Variants in SDK1 observed in about 807,000 individuals in gnomAD.
SDK1 encodes sidekick cell adhesion molecule 1.
A neutral mutation model predicts 245.5 loss-of-function variants in SDK1; 157 were observed. The ratio of observed to expected loss-of-function variants is 0.64; its 90% CI spans 0.56 to 0.73. The LOEUF is 0.73. SDK1 is among the 30% of genes least tolerant of loss of function. The pLI is 0.00. For synonymous variants in SDK1, 1,647 were observed against 1,278.5 expected (o/e 1.29, Z -6.15); for missense variants, 3,583 against 3,002.3 (o/e 1.19, Z -4.52).
intron 1 of SDK1, among the ~76,000 whole-genome samples, chr7:3,448,858 T>A (rs1355633545): frequency 6.6e-6 from 1 of 152,218 alleles, no homozygotes; most frequent in Non-Finnish European, 1.5e-5. Flanking sequence ...TATTTCTCTT[T>A]GCTCAAATGT....
intron 22 of SDK1, among the ~76,000 whole-genome samples, chr7:4,088,057 G>A (rs1022108764): frequency 2.0e-5 from 3 of 152,074 alleles, no homozygotes; most frequent in South Asian, 2.1e-4. Flanking sequence ...TTATAACCCC[G>A]TGTCACAGAT....
At chr7:3,779,599 G>T (rs552573364) in intron 4 of SDK1, among the ~76,000 whole-genome samples, 153 of 152,178 alleles carry the variant, frequency 1.0e-3, no homozygotes, top group African/African-American at 3.5e-3. Flanking sequence ...TTTAAAATAA[G>T]AATCTGCAAC....
chr7:3,576,744 C>G (rs1038847191), intron 1 of SDK1, among the ~76,000 whole-genome samples: 15 of 151,942 alleles, frequency 9.9e-5, no homozygotes, highest in Non-Finnish European at 2.2e-4. Flanking sequence ...AGAAGTGTTT[C>G]TTATTTGCTA....
chr7:3,741,401 G>A (rs187585215), intron 4 of SDK1, among the ~76,000 whole-genome samples: 9 of 152,310 alleles, frequency 5.9e-5, no homozygotes, highest in African/African-American at 2.2e-4. Flanking sequence ...GTCTCCTTGT[G>A]TGGGAATCGT....
At position 4,221,257 on chromosome 7, in the gene SDK1, G is replaced by C. The variant is rs755919556; in HGVS notation, c.5720G>C (p.Arg1907Thr). Residue 1907 changes from arginine (R) to threonine (T), a missense_variant, in exon 40 of 45, where the codon AGA becomes ACA. Arg to Thr is a moderately conservative substitution (Grantham distance 71). Coordinates refer to ENST00000404826, the MANE Select transcript of SDK1 (RefSeq NM_152744.4). Reference protein sequence around the residue: ...GPAEGSPGSPRDVLVTKSASE... With the variant: ...GPAEGSPGSPTDVLVTKSASE... ...CCCGCAGGATCCCCGGGCTCGCCTA[G>C]AGATGTCCTGGTCACCAAGTCCGCC... 3 of 1,613,772 alleles carry C rather than the reference G, an allele frequency of 1.9e-6. No homozygotes were observed. Among genetic ancestry groups the C allele is most frequent in the South Asian group, 2.2e-5 (2 of 91,080 alleles).
chr7:3,446,133 C>T lies in SDK1; in HGVS notation c.298+144249C>T, dbSNP rs150470708. On this transcript the variant is annotated intron_variant, in intron 1 of 44. Transcript: ENST00000404826. ...AAATTCTGTCATTTGAGTTGGTTTC[C>T]CTGTTAGGTAAGATCTCATTTCTTT... is the stretch of plus-strand genomic sequence containing the variant. Among the ~76,000 whole-genome samples, 416 of 152,056 alleles carry T rather than the reference C, an allele frequency of 2.7e-3. 3 individuals carry two copies. The highest frequency in any genetic ancestry group is 9.7e-3 in the African/African-American group (401 of 41,498).
intron 30 of SDK1, among the ~76,000 whole-genome samples, chr7:4,153,893 C>G (rs1780555174): frequency 6.6e-6 from 1 of 151,650 alleles, no homozygotes; most frequent in African/African-American, 2.4e-5. Flanking sequence ...GTTGCCCAAG[C>G]TGGTCTCAAA....
chr7:3,778,747 A>G (rs925607789), intron 4 of SDK1, among the ~76,000 whole-genome samples: 2 of 152,226 alleles, frequency 1.3e-5, no homozygotes, highest in Admixed American at 6.5e-5. Context: ...CATAAGCTTA[A>G]ACAAAATGAT....
intron 1 of SDK1, among the ~76,000 whole-genome samples, chr7:3,372,679 A>C (rs1193142273): frequency 6.6e-6 from 1 of 152,046 alleles, no homozygotes; most frequent in Non-Finnish European, 1.5e-5. Flanking sequence ...CTGTTGTGAG[A>C]GTTGGAGTTT....
intron 1 of SDK1, among the ~76,000 whole-genome samples, chr7:3,601,011 G>T (rs1258117945): frequency 1.3e-5 from 2 of 151,736 alleles, no homozygotes; most frequent in African/African-American, 4.9e-5. Context: ...CCATTGATGT[G>T]GTAGATTCTT....
Position 4,011,080 on chromosome 7 carries a change from T to C in SDK1, c.2246T>C (p.Val749Ala), listed in dbSNP as rs774657751. 3.7e-6 allele frequency: 6 copies of C among 1,613,852 alleles called. No homozygotes were observed. The highest frequency in any genetic ancestry group is 5.1e-6 in the Non-Finnish European group (6 of 1,180,026). Residue 749 changes from valine to alanine, a missense_variant, in exon 15 of 45, where the codon GTG (valine) becomes GCG (alanine). By Grantham distance (64) the Val-to-Ala change is moderately conservative. Transcript: ENST00000404826. ...YQFRVCAVNE[V>A]GRGQYSAETS... ...TTCCGGGTGTGCGCGGTGAATGAAGTGGGCAGGGGCCAGTACAGCGCCGAG... is the reference window on the plus strand; with the variant it reads ...TTCCGGGTGTGCGCGGTGAATGAAGCGGGCAGGGGCCAGTACAGCGCCGAG...
At chr7:3,825,432 T>C (rs969299052) in intron 5 of SDK1, among the ~76,000 whole-genome samples, 1 of 151,450 alleles carries the variant, frequency 6.6e-6, no homozygotes, top group Non-Finnish European at 1.5e-5. Context: ...TCAGTTCTGA[T>C]CCAATATTCA....
chr7:3,949,495 A>T (rs1444720437), intron 5 of SDK1, among the ~76,000 whole-genome samples: 1 of 152,160 alleles, frequency 6.6e-6, no homozygotes, highest in African/African-American at 2.4e-5. Context: ...AGTTGCCAGA[A>T]TCCTCCGCTG....
intron 44 of SDK1, among the ~76,000 whole-genome samples, chr7:4,261,260 C>T (rs1249807050): frequency 6.6e-6 from 1 of 152,078 alleles, no homozygotes; most frequent in Non-Finnish European, 1.5e-5. Context: ...GTGGGTAATT[C>T]ACTCTGACTC....
intron 14 of SDK1, among the ~76,000 whole-genome samples, chr7:3,993,111 C>G (rs532806773): frequency 6.6e-6 from 1 of 152,174 alleles, no homozygotes; most frequent in Non-Finnish European, 1.5e-5. Context: ...ATTTTACCTT[C>G]TTAAAAATTT....
intron 4 of SDK1, among the ~76,000 whole-genome samples, chr7:3,819,073 G>T (rs946765911): frequency 3.3e-5 from 5 of 152,160 alleles, no homozygotes; most frequent in Admixed American, 1.3e-4. Context: ...TAAGATGAAT[G>T]GTTTTGGATG....
intron 44 of SDK1, among the ~76,000 whole-genome samples, chr7:4,263,364 G>T (rs548406997): frequency 6.6e-6 from 1 of 151,336 alleles, no homozygotes; most frequent in East Asian, 2.0e-4. Context: ...TGGGGAGGCT[G>T]CGTAGACCTC....
intron 1 of SDK1, among the ~76,000 whole-genome samples, chr7:3,445,683 T>C (rs1430905874): frequency 6.6e-6 from 1 of 152,132 alleles, no homozygotes; most frequent in Non-Finnish European, 1.5e-5. Flanking sequence ...GAACCTTCCT[T>C]GAACTCTTCT....
intron 1 of SDK1, among the ~76,000 whole-genome samples, chr7:3,509,271 G>C (rs1021213394): frequency 6.6e-6 from 1 of 152,116 alleles, no homozygotes; most frequent in Non-Finnish European, 1.5e-5. Context: ...TGGTTTTTCT[G>C]TTTGTGCTGG....
Sources: gnomAD v4.1 joint callset for allele counts (sites outside exome capture counted in the v4.1 genomes callset) on GRCh38, gnomAD v4.1.1 for gene constraint, MANE v1.5 for transcripts, NCBI Gene and HGNC (gene_info 2026-07-23, HGNC 2026-07-21) for gene names.